Variants in INIP observed in about 807,000 individuals in gnomAD.
The protein encoded by INIP is SOSS complex subunit C.
Under a neutral mutation model 14.0 loss-of-function variants are expected in INIP, and 9 were observed. That is an observed-to-expected ratio of 0.64 (90% CI 0.39 to 1.12). The LOEUF (loss-of-function observed/expected upper bound fraction) is 1.12. INIP is among the 50% of genes most tolerant of loss of function. The pLI, the probability that INIP is intolerant of heterozygous loss-of-function variation, is 0.01. For missense variants in INIP, 78 were observed against 122.7 expected (o/e 0.64, Z 1.72); for synonymous variants, 37 against 41.5 (o/e 0.89, Z 0.41).
At chr9:112,703,545 C>G (rs1838363927) in intron 2 of INIP, among the ~76,000 whole-genome samples, 1 of 152,098 alleles carries the variant, frequency 6.6e-6, no homozygotes, top group African/African-American at 2.4e-5. Flanking sequence ...ACAGTGAGAC[C>G]CTGTCTCTTT....
At position 112,687,269 on chromosome 9, in the gene INIP, C is replaced by G; in HGVS notation, c.*269G>C. On this transcript the variant is annotated 3_prime_UTR_variant, in exon 5 of 5. Transcript: ENST00000374242. ...GTTGGGGAATGACTTCGTGACCATC[C>G]AGTTCACAGTCTGATTGAGAGTTAA... is the stretch of plus-strand genomic sequence containing the variant. 2 of 280,640 alleles carry G rather than the reference C, an allele frequency of 7.1e-6. No individual in the cohort carries two copies. Among genetic ancestry groups the G allele is most frequent in the Non-Finnish European group, 1.3e-5 (2 of 148,688 alleles). The allele number at this position is 280,640 out of a possible 1,614,324, so 17.4% of individuals were successfully genotyped here.
At position 112,687,544 on chromosome 9, in the gene INIP, T is replaced by C; in HGVS notation, c.309A>G (p.Pro103=). The change falls in exon 5 of 5, where the codon CCA becomes CCG. Residue 103 remains proline (P), a synonymous_variant. Transcript: ENST00000374242. ...LILPVLPRLD[P]E is the part of the protein sequence containing the mutation. ...TCCATCGCAAATGTTTTCTTCATTCTGGGTCAAGGCGAGGTAAAACAGGAA... is the reference window on the plus strand; with the variant it reads ...TCCATCGCAAATGTTTTCTTCATTCCGGGTCAAGGCGAGGTAAAACAGGAA... 2 of 1,597,690 alleles carry C rather than the reference T, an allele frequency of 1.3e-6. No homozygotes were observed. The highest frequency in any genetic ancestry group is 2.2e-5 in the South Asian group (2 of 90,450).
intron 2 of INIP, among the ~76,000 whole-genome samples, chr9:112,703,917 G>A (rs1361637218): frequency 6.6e-6 from 1 of 152,142 alleles, no homozygotes; most frequent in Non-Finnish European, 1.5e-5. Flanking sequence ...AAAAGGGAAA[G>A]CTAAGATACA....
chr9:112,695,811 A>G (rs786982), intron 2 of INIP, among the ~76,000 whole-genome samples: 14,165 of 95,714 alleles, frequency 0.15, 908 homozygotes, highest in African/African-American at 0.18. Flanking sequence ...GGAGGAGGAG[A>G]AGAAGAAGGA....
chr9:112,709,557 C>A (rs1264578014), intron 2 of INIP, among the ~76,000 whole-genome samples: 4 of 152,144 alleles, frequency 2.6e-5, no homozygotes, highest in Non-Finnish European at 4.4e-5. Context: ...AAGTAAAAGA[C>A]CTAGAACACT....
chr9:112,693,546 A>G (rs1039091488), intron 3 of INIP, among the ~76,000 whole-genome samples: 1 of 152,306 alleles, frequency 6.6e-6, no homozygotes, highest in East Asian at 1.9e-4. Flanking sequence ...TTTGAGTTAT[A>G]AGGTTTCTCC....
chr9:112,700,792 G>C (rs1223766218), intron 2 of INIP, among the ~76,000 whole-genome samples: 1 of 151,716 alleles, frequency 6.6e-6, no homozygotes, highest in Non-Finnish European at 1.5e-5. Context: ...GGTAGGTATA[G>C]TAACCTCCCT....
intron 4 of INIP, among the ~76,000 whole-genome samples, chr9:112,688,949 G>A (rs1837780661): frequency 6.7e-6 from 1 of 150,244 alleles, no homozygotes; most frequent in Admixed American, 6.6e-5. Context: ...TTATGCCTAT[G>A]GGAAAAAAAT....
intron 2 of INIP, chr9:112,701,705 C>A (rs1173941882): frequency 1.3e-5 from 2 of 152,030 alleles, no homozygotes; most frequent in African/African-American, 4.8e-5. Flanking sequence ...GAGGCTACTA[C>A]ATTTTTAGAA....
chr9:112,708,446 C>T (rs541115825), intron 2 of INIP, among the ~76,000 whole-genome samples: 89 of 152,092 alleles, frequency 5.9e-4, no homozygotes, highest in African/African-American at 2.0e-3. Flanking sequence ...ACAAACGGAT[C>T]CAATAGCTAT....
intron 2 of INIP, among the ~76,000 whole-genome samples, chr9:112,694,828 C>T (rs190037536): frequency 4.7e-4 from 72 of 152,246 alleles, no homozygotes; most frequent in Admixed American, 1.2e-3. Context: ...AGAAATGGAG[C>T]GTAACTGACA....
intron 2 of INIP, among the ~76,000 whole-genome samples, chr9:112,711,112 C>T (rs957386346): frequency 3.3e-5 from 5 of 151,410 alleles, no homozygotes; most frequent in African/African-American, 9.7e-5. Context: ...GGAGGCTGCA[C>T]GGAGCTACAA....
rs943007670 is a variant in INIP, at chr9:112,711,018, G to GA, written c.25+5442dup. ...ACAAAGCGAGACCCTGTTTCTACAG[G>GA]AAAAAAAAAAAGAAAAAAAATTAGC... is the stretch of plus-strand genomic sequence containing the variant. On this transcript the variant is annotated intron_variant, in intron 2 of 4. Transcript: ENST00000374242. Among the ~76,000 whole-genome samples the GA allele has an allele frequency of 1.5e-3, 215 of 139,212 alleles. 1 individual carries two copies. Among genetic ancestry groups the GA allele is most frequent in the African/African-American group, 4.4e-3 (169 of 38,036 alleles). 91.3% of individuals were successfully genotyped at this position (139,212 alleles called of 152,430 possible).
At chr9:112,706,120 T>C (rs1838460244) in intron 2 of INIP, among the ~76,000 whole-genome samples, 1 of 152,298 alleles carries the variant, frequency 6.6e-6, no homozygotes, top group Non-Finnish European at 1.5e-5. Context: ...CCATTGATCA[T>C]TAGAGAAATG....
chr9:112,685,449 T>C lies in INIP; in HGVS notation c.*2089A>G, dbSNP rs1837626693. The stretch of plus-strand genomic sequence containing the variant: ...ATTAATAAATACATAGGAAATTGAA[T>C]TGAATTTGTAACTCAAAGCAGAGGG... On this transcript the variant is annotated 3_prime_UTR_variant, in exon 5 of 5. Transcript: ENST00000374242. 2 of 152,026 alleles carry C rather than the reference T, an allele frequency of 1.3e-5. No homozygotes were observed. Among genetic ancestry groups the C allele is most frequent in the Admixed American group, 1.3e-4 (2 of 15,236 alleles). 9.4% of individuals were successfully genotyped at this position (152,026 alleles called of 1,614,324 possible).
At chr9:112,716,034 T>A (rs193103673) in intron 2 of INIP, among the ~76,000 whole-genome samples, 8 of 152,284 alleles carry the variant, frequency 5.3e-5, no homozygotes, top group Non-Finnish European at 8.8e-5. Context: ...AGCACAAGTG[T>A]ATTTCAAATT....
chr9:112,700,515 G>T (rs1838253146), intron 2 of INIP, among the ~76,000 whole-genome samples: 1 of 138,222 alleles, frequency 7.2e-6, no homozygotes, highest in Non-Finnish European at 1.5e-5. Context: ...TTATAAATTA[G>T]GTATATATAA....
intron 2 of INIP, among the ~76,000 whole-genome samples, chr9:112,696,926 A>G (rs1249695428): frequency 4.6e-5 from 7 of 152,194 alleles, no homozygotes; most frequent in Admixed American, 4.6e-4. Flanking sequence ...GCTATCCAGA[A>G]GCTCATCTGA....
At chr9:112,712,096 G>C (rs576967882) in intron 2 of INIP, among the ~76,000 whole-genome samples, 1 of 152,186 alleles carries the variant, frequency 6.6e-6, no homozygotes, top group Non-Finnish European at 1.5e-5. Context: ...TGAGGTGTCA[G>C]AGGAGAACTC....
Sources: gnomAD v4.1 joint callset for allele counts (sites outside exome capture counted in the v4.1 genomes callset) on GRCh38, gnomAD v4.1.1 for gene constraint, MANE v1.5 for transcripts, NCBI Gene and HGNC (gene_info 2026-07-23, HGNC 2026-07-21) for gene names.